CCDC148: variants seen among roughly 807,000 people sequenced by gnomAD.
CCDC148 encodes the protein coiled-coil domain-containing protein 148.
Under a neutral mutation model 85.7 loss-of-function variants are expected in CCDC148, and 89 were observed. The observed-to-expected ratio is 1.04, with a 90% CI of 0.87 to 1.24. The LOEUF is 1.24. Ranked by LOEUF, CCDC148 falls within the 50% of genes most tolerant of loss-of-function variation. CCDC148 has a pLI of 0.00. For missense variants in CCDC148, 692 were observed against 671.7 expected, an observed-to-expected ratio of 1.03 and a Z score of -0.33; for synonymous variants, 230 against 213.9, an observed-to-expected ratio of 1.08 and a Z score of -0.66.
chr2:158,251,727 T>C (rs1035792447), intron 9 of CCDC148, among the ~76,000 whole-genome samples: 3 of 151,792 alleles, frequency 2.0e-5, no homozygotes, highest in African/African-American at 7.2e-5. Context: ...TTCATGGAAA[T>C]AGAAAATATC....
chr2:158,196,319 A>T (rs1481007278), intron 11 of CCDC148, among the ~76,000 whole-genome samples: 1 of 152,148 alleles, frequency 6.6e-6, no homozygotes, highest in Non-Finnish European at 1.5e-5. Context: ...GCCACTGCAC[A>T]TCTCTTCCCA....
intron 1 of CCDC148, among the ~76,000 whole-genome samples, chr2:158,398,825 A>G (rs1300513373): frequency 1.3e-5 from 2 of 152,154 alleles, no homozygotes; most frequent in African/African-American, 2.4e-5. Flanking sequence ...AAAAATATCA[A>G]TGAATCCAGG....
intron 1 of CCDC148, among the ~76,000 whole-genome samples, chr2:158,441,373 T>C (rs1003443760): frequency 8.5e-5 from 13 of 152,182 alleles, no homozygotes; most frequent in African/African-American, 2.9e-4. Context: ...TCTGAATGAA[T>C]CGTATTTAAA....
intron 1 of CCDC148, among the ~76,000 whole-genome samples, chr2:158,435,042 G>A (rs904690768): frequency 2.0e-5 from 3 of 152,152 alleles, no homozygotes; most frequent in African/African-American, 7.2e-5. Flanking sequence ...AACCAAGTTG[G>A]AAAACACTCT....
chr2:158,427,246 T>G (rs1687119555), intron 1 of CCDC148, among the ~76,000 whole-genome samples: 1 of 152,172 alleles, frequency 6.6e-6, no homozygotes. Flanking sequence ...CAAATTTTCA[T>G]TTATGACTTA....
chr2:158,433,092 A>AAAAAAAAAAATATCTATATATC (rs1559141535), intron 1 of CCDC148, among the ~76,000 whole-genome samples: 1 of 67,320 alleles, frequency 1.5e-5, no homozygotes, highest in African/African-American at 5.1e-5. Flanking sequence ...AAAAAAAAAA[A>AAAAAAAAAAATATCTATATATC]TATATATATA....
intron 9 of CCDC148, among the ~76,000 whole-genome samples, chr2:158,271,469 T>C (rs933388400): frequency 2.0e-5 from 3 of 152,226 alleles, no homozygotes; most frequent in Admixed American, 1.3e-4. Flanking sequence ...ATCATTCCCT[T>C]GTTTAGCACA....
chr2:158,375,221 T>C (rs1574716529), intron 1 of CCDC148, among the ~76,000 whole-genome samples: 1 of 152,056 alleles, frequency 6.6e-6, no homozygotes, highest in East Asian at 1.9e-4. Context: ...CCAGAGCCCC[T>C]TGACCCTACC....
At chr2:158,243,073 G>A (rs1012011604) in intron 10 of CCDC148, among the ~76,000 whole-genome samples, 1 of 151,968 alleles carries the variant, frequency 6.6e-6, no homozygotes, top group Non-Finnish European at 1.5e-5. Context: ...GTCTTCAGGC[G>A]GCACTTTCCC....
intron 1 of CCDC148, among the ~76,000 whole-genome samples, chr2:158,394,917 C>T (rs775874125): frequency 6.6e-6 from 1 of 152,014 alleles, no homozygotes; most frequent in Non-Finnish European, 1.5e-5. Context: ...AAAATTCAAA[C>T]AATACATTGA....
chr2:158,270,925 C>T (rs1416929506), intron 9 of CCDC148, among the ~76,000 whole-genome samples: 1 of 152,122 alleles, frequency 6.6e-6, no homozygotes, highest in Non-Finnish European at 1.5e-5. Context: ...TTTCATTCAA[C>T]GTTTCACAAC....
intron 7 of CCDC148, among the ~76,000 whole-genome samples, chr2:158,338,321 G>C (rs1011790699): frequency 6.6e-6 from 1 of 152,084 alleles, no homozygotes; most frequent in Non-Finnish European, 1.5e-5. Flanking sequence ...AACATACTCT[G>C]TGTTGATCAT....
At chr2:158,339,689 A>G (rs1436971087) in intron 5 of CCDC148, among the ~76,000 whole-genome samples, 2 of 152,160 alleles carry the variant, frequency 1.3e-5, no homozygotes, top group Non-Finnish European at 2.9e-5. Flanking sequence ...CTCAGACAAG[A>G]GGACATTTGA....
intron 11 of CCDC148, among the ~76,000 whole-genome samples, chr2:158,204,351 T>C (rs1263976289): frequency 6.6e-6 from 1 of 152,188 alleles, no homozygotes; most frequent in Admixed American, 6.6e-5. Context: ...TGAATCTTGA[T>C]GGGCCTTATA....
In CCDC148 at chr2:158,448,030, G is replaced by GAT. The variant is rs140119985; in HGVS notation, c.25+8383_25+8384dup. 4.8e-3 allele frequency among the ~76,000 whole-genome samples: 733 copies of GAT among 152,090 alleles called. 2 individuals carry two copies. The highest frequency in any genetic ancestry group is 0.016 in the African/African-American group (661 of 41,516). On this transcript the variant is annotated intron_variant, in intron 1 of 13. Transcript: ENST00000283233. ...TTTTAGCTCTTACAGGTAGGTCTGT[G>GAT]ATATATATAAATTTTTTTCTGTATG...
chr2:158,415,015 A>G (rs988047285), intron 1 of CCDC148, among the ~76,000 whole-genome samples: 1 of 152,172 alleles, frequency 6.6e-6, no homozygotes, highest in South Asian at 2.1e-4. Flanking sequence ...ATGATTTGGT[A>G]TGTATTACTT....
intron 1 of CCDC148, among the ~76,000 whole-genome samples, chr2:158,433,926 G>C (rs545407827): frequency 5.6e-4 from 85 of 152,356 alleles, no homozygotes; most frequent in African/African-American, 2.0e-3. Flanking sequence ...GGCTGGGGGA[G>C]GGGCGTCCGC....
At chr2:158,366,065 T>A in intron 1 of CCDC148, 1 of 1,538,906 alleles carries the variant, frequency 6.5e-7, no homozygotes, top group Non-Finnish European at 8.8e-7. Context: ...CTTTGATTCA[T>A]GTTTTCCGTA....
chr2:158,365,987 A>G (rs893697280), intron 1 of CCDC148: 2 of 1,455,582 alleles, frequency 1.4e-6, no homozygotes, highest in Non-Finnish European at 9.3e-7. Context: ...GTAAATAATA[A>G]AACAGAGTTG....
Sources: gnomAD v4.1 joint callset for allele counts (sites outside exome capture counted in the v4.1 genomes callset) on GRCh38, gnomAD v4.1.1 for gene constraint, MANE v1.5 for transcripts, NCBI Gene and HGNC (gene_info 2026-07-23, HGNC 2026-07-21) for gene names.